OXNAD1: variants seen among roughly 807,000 people sequenced by gnomAD.
OXNAD1 encodes the protein oxidoreductase NAD-binding domain-containing protein 1.
Under a neutral mutation model 32.9 loss-of-function variants are expected in OXNAD1, and 34 were observed. The ratio of observed to expected loss-of-function variants is 1.03; its 90% CI spans 0.79 to 1.38. The LOEUF is 1.38. OXNAD1 is among the 40% of genes most tolerant of loss of function. The pLI, the probability that OXNAD1 is intolerant of heterozygous loss-of-function variation, is 0.00. For synonymous variants in OXNAD1, 134 were observed against 135.2 expected, an observed-to-expected ratio of 0.99 and a Z score of 0.06; for missense variants, 407 against 379.4, an observed-to-expected ratio of 1.07 and a Z score of -0.60.
At position 16,271,663 on chromosome 3, in the gene OXNAD1, A is replaced by G. The variant is rs755605367; in HGVS notation, c.124A>G (p.Met42Val). The G allele has an allele frequency of 2.5e-6, 4 of 1,598,866 alleles. No individual in the cohort carries two copies. The highest frequency in any genetic ancestry group is 2.2e-5 in the East Asian group (1 of 44,708). Residue 42 changes from methionine to valine, a missense_variant, in exon 4 of 9, where the codon ATG (methionine) becomes GTG (valine). Met to Val is a conservative substitution (Grantham distance 21, BLOSUM62 1). Coordinates refer to ENST00000285083, the MANE Select transcript of OXNAD1 (RefSeq NM_138381.5). The surrounding 1 kb of genome is among the most constrained non-coding windows in gnomAD (Gnocchi z 4.6). ...TAATTTTACTTTCTATTAAAGCATA[A>G]TGAAATCCAAAAGGAAAACTGATCA... The part of the protein sequence containing the change: ...TLRHLTLTSI[M>V]KSKRKTDHME...
rs1351040532 is a variant in OXNAD1, at chr3:16,301,894, G to A, written c.675+26G>A. 3.1e-6 allele frequency: 5 copies of A among 1,606,894 alleles called. No homozygotes were observed. Among genetic ancestry groups the A allele is most frequent in the Middle Eastern group, 1.7e-4 (1 of 6,012 alleles). On this transcript the variant is annotated intron_variant, in intron 7 of 8. Transcript: ENST00000285083. This position sits in a 1 kb window ranked among gnomAD's most constrained non-coding sequence, Gnocchi z 4.1. ...GTAAGGGAGGTATAGCTTGCTGTAA[G>A]CAAACTTGTGTAGTGGTATTAATTG...
chr3:16,281,622 T>G (rs978720863), intron 4 of OXNAD1, among the ~76,000 whole-genome samples: 1 of 152,222 alleles, frequency 6.6e-6, no homozygotes. Flanking sequence ...AATGAAAATA[T>G]GGCTTAATAG....
chr3:16,272,250 T>G (rs899969638), intron 4 of OXNAD1: 16 of 419,212 alleles, frequency 3.8e-5, no homozygotes, highest in South Asian at 2.3e-4. Context: ...ATATTCAGAC[T>G]ATAGAAAGCT....
chr3:16,306,227 T>C (rs1553708917), downstream of OXNAD1: 1 of 152,244 alleles, frequency 6.6e-6, no homozygotes, highest in Non-Finnish European at 1.5e-5. Flanking sequence ...TATGACAAAG[T>C]AGAGATAGTA....
chr3:16,275,098 C>A, intron 4 of OXNAD1: 1 of 165,344 alleles, frequency 6.0e-6, no homozygotes, highest in South Asian at 1.7e-4. Context: ...AGTTTTTTAT[C>A]ATCTGACATT....
intron 9 of OXNAD1, among the ~76,000 whole-genome samples, chr3:16,313,927 C>T (rs1186115769): frequency 6.6e-6 from 1 of 152,210 alleles, no homozygotes; most frequent in African/African-American, 2.4e-5. Flanking sequence ...TCTTCTTCCT[C>T]CCATCATTGC....
At position 16,301,794 on chromosome 3, in the gene OXNAD1, A is replaced by T. The variant is rs770125512; in HGVS notation, c.601A>T (p.Lys201Ter). Residue 201 changes from lysine (K) to a stop codon, truncating the protein, a stop_gained, in exon 7 of 9, where the codon AAA (lysine) becomes TAA (stop). Coordinates refer to ENST00000285083, the MANE Select transcript of OXNAD1 (RefSeq NM_138381.5). LOFTEE classifies it high-confidence loss of function. The surrounding 1 kb of genome is among the most constrained non-coding windows in gnomAD (Gnocchi z 4.1). ...AGATCTCCTCAGAGAGCAGGCAAAC[A>T]AAAGAAATGGATATGAGATAGGAAC... ...AADLLREQAN[K>*]RNGYEIGTIK... The T allele has an allele frequency of 1.2e-6, 2 of 1,614,002 alleles. No individual in the cohort carries two copies. The highest frequency in any genetic ancestry group is 1.7e-6 in the Non-Finnish European group (2 of 1,179,992).
intron 9 of OXNAD1, among the ~76,000 whole-genome samples, chr3:16,343,769 A>C (rs1482986372): frequency 6.6e-6 from 1 of 152,260 alleles, no homozygotes; most frequent in Non-Finnish European, 1.5e-5. Flanking sequence ...GAAACCATGA[A>C]TATAAGGAAT....
chr3:16,330,194 T>C (rs920376171), intron 9 of OXNAD1, among the ~76,000 whole-genome samples: 7 of 152,300 alleles, frequency 4.6e-5, no homozygotes, highest in Middle Eastern at 3.4e-3. Flanking sequence ...TTTCTGGCCA[T>C]CACATGGTGA....
At chr3:16,330,258 C>T (rs1177289014) in intron 9 of OXNAD1, among the ~76,000 whole-genome samples, 2 of 152,202 alleles carry the variant, frequency 1.3e-5, no homozygotes, top group Non-Finnish European at 2.9e-5. Flanking sequence ...CTGCCAGACT[C>T]TCCCACTCCG....
chr3:16,343,788 C>T (rs1030187636), intron 9 of OXNAD1, among the ~76,000 whole-genome samples: 8 of 152,138 alleles, frequency 5.3e-5, no homozygotes, highest in Admixed American at 5.2e-4. Flanking sequence ...ATGGCTGGTC[C>T]CTGACTCAAG....
In OXNAD1 at chr3:16,277,413, A is replaced by C. The variant is rs2065428008; in HGVS notation, c.183+5691A>C. Among the ~76,000 whole-genome samples the C allele has an allele frequency of 6.6e-6, 1 of 152,178 alleles. No individual in the cohort carries two copies. Among genetic ancestry groups the C allele is most frequent in the African/African-American group, 2.4e-5 (1 of 41,438 alleles). On this transcript the variant is annotated intron_variant, in intron 4 of 8. Transcript: ENST00000285083. This position sits in a 1 kb window ranked among gnomAD's most constrained non-coding sequence, Gnocchi z 4.3. ...AGGGGCTGGACCCTGGACTCGTTGAAATGAATGGCACCTCAGGTTTGGCCA... is the reference window on the plus strand; with the variant it reads ...AGGGGCTGGACCCTGGACTCGTTGACATGAATGGCACCTCAGGTTTGGCCA...
rs190553484 is a variant in OXNAD1, at chr3:16,273,225, A to T, written c.183+1503A>T. On this transcript the variant is annotated intron_variant, in intron 4 of 8. Transcript: ENST00000285083. The stretch of plus-strand genomic sequence containing the variant: ...AGCATTTACAAACAATTAGTATATT[A>T]TTTACTGTTTAGCGTCAACTGATAT... 2.0e-5 allele frequency among the ~76,000 whole-genome samples: 3 copies of T among 152,280 alleles called. No individual in the cohort carries two copies. In the East Asian group the frequency reaches 5.8e-4, roughly 29 times the overall value.
intron 4 of OXNAD1, among the ~76,000 whole-genome samples, chr3:16,282,178 T>C (rs2065792069): frequency 6.6e-6 from 1 of 151,100 alleles, no homozygotes; most frequent in African/African-American, 2.4e-5. Flanking sequence ...AGGGGAATAA[T>C]GAAGTAATAG....
At chr3:16,269,413 T>C in intron 2 of OXNAD1, 138 bp downstream of exon 2, 1 of 820,134 alleles carries the variant, frequency 1.2e-6, no homozygotes, top group Non-Finnish European at 1.9e-6. Context: ...AAGAGAAAAA[T>C]AGCAAGTAGC....
chr3:16,271,228 G>C lies in OXNAD1; in HGVS notation c.119+157G>C. 3 of 902,010 alleles carry C rather than the reference G, an allele frequency of 3.3e-6. No individual in the cohort carries two copies. Among genetic ancestry groups the C allele is most frequent in the Non-Finnish European group, 5.0e-6 (3 of 599,432 alleles). The allele number at this position is 902,010 out of a possible 1,614,324, so 55.9% of individuals were successfully genotyped here. On this transcript the variant is annotated intron_variant, in intron 3 of 8. Coordinates refer to ENST00000285083, the MANE Select transcript of OXNAD1 (RefSeq NM_138381.5). The surrounding 1 kb of genome is among the most constrained non-coding windows in gnomAD (Gnocchi z 4.6). ...TTAACCGTTTTTTTTGTCTGAGATG[G>C]AGTCTTGCTCCGTCGCCTGGGCTGG...
rs2124942576 is a variant in OXNAD1 at position 16,265,600 on chromosome 3, A to C, written c.-159+95A>C. Reference sequence around the variant, plus strand: ...CCCTGGAAGGCAGGGATTGAGTTCTAGTCTTCTGTTTGCCAGGCTTATAAC... The same window carrying C: ...CCCTGGAAGGCAGGGATTGAGTTCTCGTCTTCTGTTTGCCAGGCTTATAAC... On this transcript the variant is annotated intron_variant, in intron 1 of 8. Coordinates refer to ENST00000285083, the MANE Select transcript of OXNAD1 (RefSeq NM_138381.5). This position sits in a 1 kb window ranked among gnomAD's most constrained non-coding sequence, Gnocchi z 4.8. 6.6e-6 allele frequency: 1 copy of C among 152,612 alleles called. No homozygotes were observed. The highest frequency in any genetic ancestry group is 1.5e-5 in the Non-Finnish European group (1 of 68,256). The allele number at this position is 152,612 out of a possible 1,614,324, so 9.5% of individuals were successfully genotyped here.
At position 16,297,563 on chromosome 3, in the gene OXNAD1, A is replaced by G. The variant is rs532440400; in HGVS notation, c.432+2566A>G. 4.6e-4 allele frequency among the ~76,000 whole-genome samples: 70 copies of G among 152,350 alleles called. No individual in the cohort carries two copies. The highest frequency in any genetic ancestry group is 1.6e-3 in the African/African-American group (66 of 41,578). Reference sequence around the variant, plus strand: ...TAACATGAATATTTATAGCAGTTCTATTCATAATTATTAAAAACTTCTAGA... The same window carrying G: ...TAACATGAATATTTATAGCAGTTCTGTTCATAATTATTAAAAACTTCTAGA... On this transcript the variant is annotated intron_variant, in intron 6 of 8. Coordinates refer to ENST00000285083, the MANE Select transcript of OXNAD1 (RefSeq NM_138381.5). This position sits in a 1 kb window ranked among gnomAD's most constrained non-coding sequence, Gnocchi z 4.3.
chr3:16,304,476 AAT>A lies in OXNAD1; in HGVS notation c.*915_*916del, dbSNP rs1318835493. 6.6e-6 allele frequency: 1 copy of A among 152,242 alleles called. No homozygotes were observed. Among genetic ancestry groups the A allele is most frequent in the East Asian group, 1.9e-4 (1 of 5,206 alleles). The allele number at this position is 152,242 out of a possible 1,614,324, so 9.4% of individuals were successfully genotyped here. On this transcript the variant is annotated 3_prime_UTR_variant, in exon 9 of 9. Coordinates refer to ENST00000285083, the MANE Select transcript of OXNAD1 (RefSeq NM_138381.5). This position sits in a 1 kb window ranked among gnomAD's most constrained non-coding sequence, Gnocchi z 4.6. Reference sequence around the variant, plus strand: ...GTTGAATGACTGAAAGAAAGCAACTAATGTTTTAACTCCTTGCTAAGTCTGAG... The same window carrying A: ...GTTGAATGACTGAAAGAAAGCAACTAGTTTTAACTCCTTGCTAAGTCTGAG...
Sources: gnomAD v4.1 joint callset for allele counts (sites outside exome capture counted in the v4.1 genomes callset) on GRCh38, gnomAD v4.1.1 for gene constraint, Gnocchi (gnomAD v3.1) non-coding constraint, MANE v1.5 for transcripts, NCBI Gene and HGNC (gene_info 2026-07-23, HGNC 2026-07-21) for gene names.